GMDS: variants seen among roughly 807,000 people sequenced by gnomAD.
The protein encoded by GMDS is GDP-mannose 4,6-dehydratase.
GMDS carries 20 observed loss-of-function variants against 49.9 expected under a neutral mutation model. The observed-to-expected ratio is 0.40, with a 90% confidence interval of 0.28 to 0.58. The LOEUF is 0.58. Ranked by LOEUF, GMDS falls within the 20% of genes least tolerant of loss-of-function variation. The pLI is 0.42. For missense variants in GMDS, 362 were observed against 481.4 expected (o/e 0.75, Z 2.32); for synonymous variants, 177 against 178.6 (o/e 0.99, Z 0.07).
intron 4 of GMDS, among the ~76,000 whole-genome samples, chr6:1,985,782 G>A (rs1221852556): frequency 1.3e-5 from 2 of 152,196 alleles, no homozygotes; most frequent in Non-Finnish European, 2.9e-5. Flanking sequence ...GAGGGAGCAA[G>A]AGAAGGGTGA....
intron 4 of GMDS, among the ~76,000 whole-genome samples, chr6:2,019,537 A>T (rs192272408): frequency 6.6e-6 from 1 of 152,048 alleles, no homozygotes; most frequent in Admixed American, 6.6e-5. Flanking sequence ...ATCTCAGCTC[A>T]CTTCCAGGTT....
At chr6:1,970,822 G>A (rs552962864) in intron 4 of GMDS, among the ~76,000 whole-genome samples, 1 of 152,222 alleles carries the variant, frequency 6.6e-6, no homozygotes, top group South Asian at 2.1e-4. Flanking sequence ...GAAGGAGGGA[G>A]AGCATCAGGA....
intron 1 of GMDS, among the ~76,000 whole-genome samples, chr6:2,234,894 G>A (rs1781283782): frequency 6.6e-6 from 1 of 152,176 alleles, no homozygotes; most frequent in Admixed American, 6.5e-5. Flanking sequence ...GGGAGGCCAA[G>A]GTGGGCGGAT....
intron 7 of GMDS, among the ~76,000 whole-genome samples, chr6:1,806,311 G>A (rs1474029502): frequency 6.6e-6 from 1 of 152,082 alleles, no homozygotes; most frequent in Non-Finnish European, 1.5e-5. Flanking sequence ...TGAAAACTCG[G>A]TTTTGGATTA....
At chr6:2,229,571 A>T (rs1269577371) in intron 1 of GMDS, among the ~76,000 whole-genome samples, 1 of 152,082 alleles carries the variant, frequency 6.6e-6, no homozygotes, top group African/African-American at 2.4e-5. Flanking sequence ...GGGCAAGAGC[A>T]AGACAAAAAA....
At chr6:1,783,049 G>A (rs112309905) in intron 7 of GMDS, among the ~76,000 whole-genome samples, 3,287 of 152,266 alleles carry the variant, frequency 0.022, 133 homozygotes, top group African/African-American at 0.075. Flanking sequence ...CAGCTACTCT[G>A]GAAGCTGAGG....
At chr6:2,197,988 A>G (rs930520410) in intron 1 of GMDS, among the ~76,000 whole-genome samples, 1 of 152,200 alleles carries the variant, frequency 6.6e-6, no homozygotes, top group Non-Finnish European at 1.5e-5. Context: ...ATCATTTACC[A>G]TCGGGGAGAC....
chr6:2,093,903 G>C (rs1773454898), intron 4 of GMDS, among the ~76,000 whole-genome samples: 1 of 152,132 alleles, frequency 6.6e-6, no homozygotes, highest in Admixed American at 6.5e-5. Context: ...AAATTTGTTA[G>C]GAAGACCTGG....
chr6:1,871,452 T>C (rs562838747), intron 7 of GMDS, among the ~76,000 whole-genome samples: 2 of 152,334 alleles, frequency 1.3e-5, no homozygotes, highest in South Asian at 2.1e-4. Context: ...ATTATTTCAA[T>C]TGAGTACTTC....
chr6:1,788,809 T>C (rs1044861892), intron 7 of GMDS, among the ~76,000 whole-genome samples: 1 of 152,216 alleles, frequency 6.6e-6, no homozygotes, highest in African/African-American at 2.4e-5. Context: ...TTAACTTAGA[T>C]CTCTGGACAC....
intron 4 of GMDS, among the ~76,000 whole-genome samples, chr6:1,970,562 C>T (rs1439397413): frequency 6.6e-6 from 1 of 152,162 alleles, no homozygotes; most frequent in Non-Finnish European, 1.5e-5. Flanking sequence ...AATCCAAAGG[C>T]GACAGAGACA....
chr6:1,869,620 A>G (rs1399619610), intron 7 of GMDS, among the ~76,000 whole-genome samples: 1 of 152,248 alleles, frequency 6.6e-6, no homozygotes, highest in African/African-American at 2.4e-5. Context: ...GGTTAGAAAT[A>G]ATGAAAAACC....
At chr6:1,746,755 A>T (rs1327835647) in intron 7 of GMDS, among the ~76,000 whole-genome samples, 1 of 152,028 alleles carries the variant, frequency 6.6e-6, no homozygotes, top group Non-Finnish European at 1.5e-5. Flanking sequence ...AGGCTGGAGT[A>T]CAGTGGCACA....
intron 1 of GMDS, among the ~76,000 whole-genome samples, chr6:2,183,812 G>A (rs1241456873): frequency 6.6e-6 from 1 of 152,140 alleles, no homozygotes; most frequent in Non-Finnish European, 1.5e-5. Flanking sequence ...GCCACTAAAA[G>A]GGAGGCAATA....
At chr6:2,163,419 A>ATG (rs553648208) in intron 1 of GMDS, among the ~76,000 whole-genome samples, 5,098 of 146,710 alleles carry the variant, frequency 0.035, 120 homozygotes, top group Middle Eastern at 0.062. Context: ...GTGTGTGTCT[A>ATG]TGTGTGTGTG....
At chr6:2,009,460 C>A (rs1292674609) in intron 4 of GMDS, among the ~76,000 whole-genome samples, 1 of 152,170 alleles carries the variant, frequency 6.6e-6, no homozygotes, top group East Asian at 1.9e-4. Flanking sequence ...CCTGTAATTG[C>A]TGTCAAAAGC....
chr6:1,740,260 T>C (rs1767215369), intron 8 of GMDS, among the ~76,000 whole-genome samples: 2 of 152,214 alleles, frequency 1.3e-5, no homozygotes, highest in South Asian at 2.1e-4. Flanking sequence ...CTATACGTTT[T>C]AATTAAAATT....
intron 4 of GMDS, among the ~76,000 whole-genome samples, chr6:2,073,497 T>C (rs1319957141): frequency 1.3e-5 from 2 of 152,208 alleles, no homozygotes; most frequent in African/African-American, 4.8e-5. Flanking sequence ...TTTCTATGTG[T>C]TGGGAACATT....
At chr6:2,110,288 C>T (rs994783428) in intron 4 of GMDS, among the ~76,000 whole-genome samples, 22 of 141,252 alleles carry the variant, frequency 1.6e-4, no homozygotes, top group Admixed American at 3.7e-4. Context: ...TTCCTGGGGA[C>T]GAATATGGGG....
Sources: allele counts gnomAD v4.1 joint callset (sites outside exome capture counted in the v4.1 genomes callset), GRCh38; gene constraint gnomAD v4.1.1; transcripts MANE v1.5; gene names NCBI Gene and HGNC (gene_info 2026-07-23, HGNC 2026-07-21).